The following SV2C variants were observed in gnomAD, a reference collection of about 807,000 sequenced individuals.
The protein encoded by SV2C is synaptic vesicle glycoprotein 2C.
A neutral mutation model predicts 79.7 loss-of-function variants in SV2C; 49 were observed. The observed-to-expected ratio is 0.61, with a 90% CI of 0.49 to 0.78. The LOEUF (loss-of-function observed/expected upper bound fraction) is 0.78. SV2C is among the 30% of genes least tolerant of loss of function. SV2C has a pLI of 0.00. For missense variants in SV2C, 833 were observed against 912.9 expected, an observed-to-expected ratio of 0.91 and a Z score of 1.13; for synonymous variants, 334 against 333.2, an observed-to-expected ratio of 1.00 and a Z score of -0.03.
the SV2C span, among the ~76,000 whole-genome samples, chr5:75,943,233 G>T: frequency 6.6e-6 from 1 of 152,130 alleles, no homozygotes; most frequent in Non-Finnish European, 1.5e-5. Context: ...TCACGCTATT[G>T]CTTGGAAGAG....
intron 2 of SV2C, among the ~76,000 whole-genome samples, chr5:76,135,943 T>C (rs1749054569): frequency 6.6e-6 from 1 of 152,202 alleles, no homozygotes; most frequent in South Asian, 2.1e-4. Context: ...CTGGCACCTC[T>C]TCCCTTGCAT....
intron 1 of SV2C, among the ~76,000 whole-genome samples, chr5:76,115,291 A>G (rs1236061279): frequency 6.6e-6 from 1 of 152,214 alleles, no homozygotes; most frequent in Admixed American, 6.5e-5. Flanking sequence ...TAAATATGCA[A>G]GATAGGAATA....
At chr5:76,280,003 G>C (rs1034021675) in intron 4 of SV2C, among the ~76,000 whole-genome samples, 2 of 152,140 alleles carry the variant, frequency 1.3e-5, no homozygotes, top group Non-Finnish European at 2.9e-5. Context: ...AACAGGGGCA[G>C]GTGGATGAAT....
the SV2C span, among the ~76,000 whole-genome samples, chr5:76,063,634 C>T: frequency 5.1e-4 from 77 of 152,194 alleles, no homozygotes; most frequent in African/African-American, 1.8e-3. Context: ...AGAGGACTTC[C>T]CGAAGGACCC....
intron 2 of SV2C, among the ~76,000 whole-genome samples, chr5:76,147,761 A>ATT (rs202058370): frequency 0.014 from 2,122 of 152,298 alleles, 49 homozygotes; most frequent in African/African-American, 0.049. Context: ...TTGACAAGAT[A>ATT]TTTATTTTAG....
rs1749101792 is a variant in SV2C at position 76,329,205 on chromosome 5, C to G, written c.*3658C>G. The G allele has an allele frequency of 6.6e-6, 1 of 152,138 alleles. No homozygotes were observed. The highest frequency in any genetic ancestry group is 2.4e-5 in the African/African-American group (1 of 41,418). 9.4% of individuals were successfully genotyped at this position (152,138 alleles called of 1,614,324 possible). ...AAAGCACAGTCCCCATGCTGTCTGCCCTGCCAGCATCTCAGCATCCTGACT... is the reference window on the plus strand; with the variant it reads ...AAAGCACAGTCCCCATGCTGTCTGCGCTGCCAGCATCTCAGCATCCTGACT... On this transcript the variant is annotated 3_prime_UTR_variant, in exon 13 of 13. Transcript: ENST00000502798.
At chr5:76,102,553 A>T (rs1747780120) in intron 1 of SV2C, among the ~76,000 whole-genome samples, 1 of 152,208 alleles carries the variant, frequency 6.6e-6, no homozygotes, top group African/African-American at 2.4e-5. Flanking sequence ...GGCTTGGCAC[A>T]ATCACTATAG....
chr5:75,955,134 A>T, the SV2C span, among the ~76,000 whole-genome samples: 1 of 150,854 alleles, frequency 6.6e-6, no homozygotes, highest in Non-Finnish European at 1.5e-5. Context: ...ACACTACCTG[A>T]CTTCAAACTA....
the SV2C span, among the ~76,000 whole-genome samples, chr5:76,063,856 A>C: frequency 6.6e-6 from 1 of 152,166 alleles, no homozygotes; most frequent in African/African-American, 2.4e-5. Context: ...TTTTTTACTG[A>C]GTGTTTTTAA....
the SV2C span, among the ~76,000 whole-genome samples, chr5:76,001,327 G>A: frequency 8.5e-5 from 13 of 152,168 alleles, no homozygotes; most frequent in African/African-American, 2.7e-4. Flanking sequence ...TCCGCCAGGC[G>A]CGGTGGCTCA....
At chr5:76,012,952 CT>C in the SV2C span, among the ~76,000 whole-genome samples, 4 of 152,094 alleles carry the variant, frequency 2.6e-5, no homozygotes, top group African/African-American at 9.7e-5. Flanking sequence ...CTGTTCTGTT[CT>C]TTTGGTCTAT....
the SV2C span, among the ~76,000 whole-genome samples, chr5:75,955,530 C>A: frequency 0.17 from 24,995 of 145,616 alleles, 2,124 homozygotes; most frequent in Middle Eastern, 0.23. Flanking sequence ...GCAACAAAAG[C>A]CAAAATTGAC....
intron 4 of SV2C, among the ~76,000 whole-genome samples, chr5:76,246,255 G>A (rs1280200098): frequency 6.6e-6 from 1 of 152,134 alleles, no homozygotes; most frequent in East Asian, 1.9e-4. Flanking sequence ...CATAAGGCCT[G>A]TGGGTCTGCG....
intron 1 of SV2C, among the ~76,000 whole-genome samples, chr5:76,116,487 A>G (rs1057061618): frequency 8.5e-5 from 13 of 152,130 alleles, no homozygotes; most frequent in Admixed American, 7.9e-4. Context: ...TGCTCTTCCC[A>G]GTCCCCACCG....
the SV2C span, among the ~76,000 whole-genome samples, chr5:75,868,143 A>G: frequency 6.6e-6 from 1 of 152,356 alleles, no homozygotes; most frequent in African/African-American, 2.4e-5. Context: ...TTAAGGGACT[A>G]AGAGAGGAAA....
At chr5:76,004,801 G>A in the SV2C span, among the ~76,000 whole-genome samples, 1 of 152,142 alleles carries the variant, frequency 6.6e-6, no homozygotes, top group African/African-American at 2.4e-5. Flanking sequence ...AGAAAAGCAA[G>A]CAAATTGCCC....
intron 12 of SV2C, among the ~76,000 whole-genome samples, chr5:76,348,481 G>A (rs565062217): frequency 6.6e-6 from 1 of 152,302 alleles, no homozygotes; most frequent in African/African-American, 2.4e-5. Context: ...TTATTTGTAA[G>A]GATATGTTTA....
chr5:75,903,224 G>C, the SV2C span, among the ~76,000 whole-genome samples: 38 of 152,200 alleles, frequency 2.5e-4, no homozygotes, highest in African/African-American at 8.7e-4. Context: ...AGGGCTCAAA[G>C]TATCCTTAGA....
intron 4 of SV2C, among the ~76,000 whole-genome samples, chr5:76,228,344 G>T (rs1745316303): frequency 6.6e-6 from 1 of 152,182 alleles, no homozygotes; most frequent in Non-Finnish European, 1.5e-5. Context: ...CAGGGCAGAA[G>T]ACAGGCTGTG....
Sources: gnomAD v4.1 joint callset for allele counts (sites outside exome capture counted in the v4.1 genomes callset) on GRCh38, gnomAD v4.1.1 for gene constraint, MANE v1.5 for transcripts, NCBI Gene and HGNC (gene_info 2026-07-23, HGNC 2026-07-21) for gene names.